Variants in CFAP96 observed in about 807,000 individuals in gnomAD.
CFAP96 encodes the protein cilia and flagella associated protein 96, also known as cilia-and flagella-associated protein 96.
chr4:185,445,878 A>T, the CFAP96 span, among the ~76,000 whole-genome samples: 1,288 of 152,092 alleles, frequency 8.5e-3, 16 homozygotes, highest in African/African-American at 0.03. Flanking sequence ...TTTCGCTCTT[A>T]TTGCCCAGGC....
At chr4:185,426,210 G>C in the CFAP96 span, 1 of 357,222 alleles carries the variant, frequency 2.8e-6, no homozygotes, top group Non-Finnish European at 5.3e-6. Flanking sequence ...CCCGTACCCG[G>C]GGCAACACAT....
the CFAP96 span, chr4:185,425,851 A>G: frequency 6.2e-7 from 1 of 1,603,988 alleles, no homozygotes; most frequent in Non-Finnish European, 8.5e-7. Flanking sequence ...GTCGGTGACG[A>G]GCAGAGATAC....
At chr4:185,443,921 C>CTTTTTTT in the CFAP96 span, among the ~76,000 whole-genome samples, 23 of 82,838 alleles carry the variant, frequency 2.8e-4, 3 homozygotes, top group Non-Finnish European at 3.8e-4. Context: ...CTATATCTTT[C>CTTTTTTT]TTTTTTTTTT....
At chr4:185,426,298 C>T in the CFAP96 span, 1 of 164,578 alleles carries the variant, frequency 6.1e-6, no homozygotes, top group African/African-American at 2.4e-5. Flanking sequence ...TGGGAACCCT[C>T]GCCGCTCCCG....
the CFAP96 span, among the ~76,000 whole-genome samples, chr4:185,443,210 T>C: frequency 1.3e-5 from 2 of 150,994 alleles, no homozygotes; most frequent in Non-Finnish European, 3.0e-5. Flanking sequence ...CTCCATCTGT[T>C]TTGTGTAGGT....
At chr4:185,438,608 A>G in the CFAP96 span, among the ~76,000 whole-genome samples, 2 of 152,174 alleles carry the variant, frequency 1.3e-5, no homozygotes, top group African/African-American at 4.8e-5. Flanking sequence ...GTTACTGGCA[A>G]TTTTTTTATT....
chr4:185,440,715 A>G, the CFAP96 span: 1 of 1,358,742 alleles, frequency 7.4e-7, no homozygotes, highest in African/African-American at 1.9e-5. Context: ...TCTCCTGGTA[A>G]AAAGGTAAGT....
the CFAP96 span, chr4:185,445,611 A>G: frequency 2.9e-6 from 3 of 1,018,796 alleles, no homozygotes; most frequent in Non-Finnish European, 4.4e-6. Context: ...GAGAAAAAGT[A>G]TATTATCAAG....
At chr4:185,411,852 G>A in the CFAP96 span, among the ~76,000 whole-genome samples, 1 of 152,192 alleles carries the variant, frequency 6.6e-6, no homozygotes, top group Non-Finnish European at 1.5e-5. Context: ...GAGTGAAAAA[G>A]CAAGCTGCAG....
At chr4:185,418,047 A>AACACACACACACACACACACACACAC in the CFAP96 span, among the ~76,000 whole-genome samples, 7,632 of 142,798 alleles carry the variant, frequency 0.053, 232 homozygotes, top group Middle Eastern at 0.12. Context: ...TCCATCTCAA[A>AACACACACACACACACACACACACAC]ACACACACAC....
chr4:185,443,342 A>ATATATTTTTTTTTTTTTTTTTTT, the CFAP96 span, among the ~76,000 whole-genome samples: 1 of 26,730 alleles, frequency 3.7e-5, no homozygotes, highest in African/African-American at 1.2e-4. Flanking sequence ...ATATATATAT[A>ATATATTTTTTTTTTTTTTTTTTT]TTTTTTTTTT....
At chr4:185,433,614 A>T in the CFAP96 span, among the ~76,000 whole-genome samples, 2 of 151,906 alleles carry the variant, frequency 1.3e-5, no homozygotes, top group East Asian at 1.9e-4. Context: ...AAGAGTGAGG[A>T]TTTTTGGCCG....
chr4:185,444,188 C>T, the CFAP96 span, among the ~76,000 whole-genome samples: 2 of 151,208 alleles, frequency 1.3e-5, no homozygotes, highest in Non-Finnish European at 2.9e-5. Context: ...CTCCTGACCT[C>T]ATGATCCACC....
chr4:185,445,483 T>G, the CFAP96 span: 1 of 1,550,324 alleles, frequency 6.5e-7, no homozygotes, highest in Non-Finnish European at 8.9e-7. Flanking sequence ...AGGGAGTTTC[T>G]TAGCAATCTT....
At chr4:185,436,992 TAAAG>T in the CFAP96 span, among the ~76,000 whole-genome samples, 1 of 152,124 alleles carries the variant, frequency 6.6e-6, no homozygotes, top group Non-Finnish European at 1.5e-5. Flanking sequence ...CTATTTTAAA[TAAAG>T]AGTCATATCC....
At chr4:185,441,685 TTAA>T in the CFAP96 span, among the ~76,000 whole-genome samples, 1 of 151,458 alleles carries the variant, frequency 6.6e-6, no homozygotes, top group Non-Finnish European at 1.5e-5. Flanking sequence ...TTAAAAGAAA[TTAA>T]TAATTTTAAT....
the CFAP96 span, among the ~76,000 whole-genome samples, chr4:185,412,187 A>ATT: frequency 1.3e-5 from 2 of 152,182 alleles, no homozygotes; most frequent in African/African-American, 4.8e-5. Flanking sequence ...TAAAGTATAT[A>ATT]TTTTTCTTAC....
chr4:185,431,248 A>G, the CFAP96 span, among the ~76,000 whole-genome samples: 5 of 151,410 alleles, frequency 3.3e-5, no homozygotes, highest in East Asian at 7.7e-4. Context: ...ATACAGATTC[A>G]CATTTAGTAG....
the CFAP96 span, among the ~76,000 whole-genome samples, chr4:185,425,617 C>G: frequency 6.6e-6 from 1 of 152,262 alleles, no homozygotes; most frequent in East Asian, 1.9e-4. Context: ...AAAATACTTT[C>G]ACACAGAGAA....
Sources: gnomAD v4.1 joint callset for allele counts (sites outside exome capture counted in the v4.1 genomes callset) on GRCh38, gnomAD v4.1.1 for gene constraint, MANE v1.5 for transcripts, NCBI Gene and HGNC (gene_info 2026-07-23, HGNC 2026-07-21) for gene names.